ANO3: variants seen among roughly 807,000 people sequenced by gnomAD.
The protein encoded by ANO3 is anoctamin-3.
Under a neutral mutation model 144.8 loss-of-function variants are expected in ANO3, and 99 were observed. That is an observed-to-expected ratio of 0.68 (90% CI 0.58 to 0.81). ANO3 has a LOEUF of 0.81. Ranked by LOEUF, ANO3 falls within the 30% of genes least tolerant of loss-of-function variation. ANO3 has a pLI of 0.00. For missense variants in ANO3, 905 were observed against 1,202.2 expected (o/e 0.75, Z 3.66); for synonymous variants, 414 against 392.6 (o/e 1.05, Z -0.64).
Position 26,565,717 on chromosome 11 carries a change from A to T in ANO3, c.1447+5938A>T, listed in dbSNP as rs1202256524. 2.5e-6 allele frequency: 4 copies of T among 1,605,820 alleles called. No homozygotes were observed. The African/African-American group carries it at 5.4e-5, about 22-fold the overall frequency. ...TTTAAGTTTGCTTCACTTTCCAAAG[A>T]AATAGGTTTATTTTCCATTGTTTTA... On this transcript the variant is annotated intron_variant, in intron 14 of 26. Transcript: ENST00000256737.
intron 14 of ANO3, among the ~76,000 whole-genome samples, chr11:26,581,320 T>C (rs1851123336): frequency 6.6e-6 from 1 of 151,920 alleles, no homozygotes; most frequent in African/African-American, 2.4e-5. Flanking sequence ...TTTTTTTTTT[T>C]TGTATGCTCA....
At chr11:26,375,037 C>T (rs1396147896) in intron 1 of ANO3, among the ~76,000 whole-genome samples, 1 of 152,198 alleles carries the variant, frequency 6.6e-6, no homozygotes, top group Non-Finnish European at 1.5e-5. Flanking sequence ...AGCCACCATG[C>T]CTGGCCGTGT....
rs753901515 is a variant in ANO3, at chr11:26,598,904, T to C, written c.1577T>C (p.Ile526Thr). 3.7e-6 allele frequency: 6 copies of C among 1,613,966 alleles called. No homozygotes were observed. Among genetic ancestry groups the C allele is most frequent in the East Asian group, 4.5e-5 (2 of 44,864 alleles). Residue 526 changes from isoleucine to threonine, a missense_variant, in exon 16 of 27, where the codon ATT becomes ACT. This residue lies in a region of ANO3 where 597 missense variants were observed against 865.1 expected (regional missense o/e 0.69). Transcript: ENST00000256737. The stretch of plus-strand genomic sequence containing the variant: ...GAAGCCAAGTATTACAAGATGGAGA[T>C]TGTAAATCCCATCACGGGAAAACCT... ...QFEAKYYKMEIVNPITGKPEP... is the reference protein window; with the variant it reads ...QFEAKYYKMETVNPITGKPEP...
At chr11:26,433,392 T>C (rs1464645954) in intron 1 of ANO3, among the ~76,000 whole-genome samples, 2 of 152,160 alleles carry the variant, frequency 1.3e-5, no homozygotes, top group East Asian at 3.9e-4. Context: ...TTTCTTTCTC[T>C]CTTGCCTGAT....
chr11:26,533,346 G>T (rs1479414883), intron 8 of ANO3, among the ~76,000 whole-genome samples: 1 of 152,092 alleles, frequency 6.6e-6, no homozygotes. Flanking sequence ...TTAAGGTGAT[G>T]ATATTATGTT....
At chr11:26,381,814 C>T (rs900259885) in intron 1 of ANO3, among the ~76,000 whole-genome samples, 8 of 152,040 alleles carry the variant, frequency 5.3e-5, no homozygotes, top group Non-Finnish European at 8.8e-5. Context: ...ATGGCCATTT[C>T]CCAAGGGCAA....
At chr11:26,356,541 G>A (rs1855790244) in intron 1 of ANO3, among the ~76,000 whole-genome samples, 1 of 152,074 alleles carries the variant, frequency 6.6e-6, no homozygotes, top group East Asian at 1.9e-4. Context: ...TCAATATAAT[G>A]CTTTTTACAT....
rs188873314 is a variant in ANO3 at position 26,384,042 on chromosome 11, C to T, written c.46+51721C>T. Among the ~76,000 whole-genome samples, 324 of 151,176 alleles carry T rather than the reference C, an allele frequency of 2.1e-3. 1 individual carries two copies. Among genetic ancestry groups the T allele is most frequent in the African/African-American group, 7.0e-3 (290 of 41,264 alleles). Reference sequence around the variant, plus strand: ...CCTCCTGAGTAGCTGGGATTACAGGCGCGTGCCACCATAACCCGGCTAATT... The same window carrying T: ...CCTCCTGAGTAGCTGGGATTACAGGTGCGTGCCACCATAACCCGGCTAATT... On this transcript the variant is annotated intron_variant, in intron 1 of 26. Coordinates refer to ENST00000256737, the MANE Select transcript of ANO3 (RefSeq NM_031418.4).
chr11:26,439,619 T>G (rs1005819919), intron 1 of ANO3, among the ~76,000 whole-genome samples: 1 of 152,242 alleles, frequency 6.6e-6, no homozygotes, highest in Admixed American at 6.5e-5. Flanking sequence ...TTATGGTATA[T>G]GATTATATAT....
chr11:26,534,435 C>T (rs1353139569), intron 8 of ANO3, 21 bp from the exon 9 acceptor site: 1 of 1,525,002 alleles, frequency 6.6e-7, no homozygotes, highest in Non-Finnish European at 9.1e-7. Context: ...GAATATTAAA[C>T]CAATCCCCTC....
intron 1 of ANO3, among the ~76,000 whole-genome samples, chr11:26,340,020 G>A (rs2133898747): frequency 6.6e-6 from 1 of 152,302 alleles, no homozygotes; most frequent in East Asian, 1.9e-4. Flanking sequence ...CTGCTGAGGA[G>A]AGAGGTTCCT....
intron 12 of ANO3, among the ~76,000 whole-genome samples, chr11:26,548,849 C>T (rs543518866): frequency 1.3e-5 from 2 of 151,828 alleles, no homozygotes; most frequent in Admixed American, 6.6e-5. Context: ...TTCGGCCCAC[C>T]GGAAACATCC....
At chr11:26,333,450 T>A (rs192482416) in intron 1 of ANO3, among the ~76,000 whole-genome samples, 332 of 152,040 alleles carry the variant, frequency 2.2e-3, no homozygotes, top group Non-Finnish European at 3.6e-3. Context: ...CCCAGCTAAT[T>A]TTTTTGTGTT....
At position 26,360,419 on chromosome 11, in the gene ANO3, G is replaced by A. The variant is rs149442126; in HGVS notation, c.46+28098G>A. On this transcript the variant is annotated intron_variant, in intron 1 of 26. Coordinates refer to ENST00000256737, the MANE Select transcript of ANO3 (RefSeq NM_031418.4). ...TTAAAAATTCCCTTGCTAAGATGGT[G>A]GGGAAGTAGAAAATACAAAGGGGTG... is the stretch of plus-strand genomic sequence containing the variant. Among the ~76,000 whole-genome samples the A allele has an allele frequency of 8.4e-3, 1,272 of 152,172 alleles. 9 individuals carry two copies. Among genetic ancestry groups the A allele is most frequent in the Non-Finnish European group, 0.014 (920 of 67,984 alleles).
chr11:26,374,807 A>T (rs1294678637), intron 1 of ANO3, among the ~76,000 whole-genome samples: 1 of 152,158 alleles, frequency 6.6e-6, no homozygotes, highest in African/African-American at 2.4e-5. Context: ...GCAGTGGCAC[A>T]ATGTTGGCTC....
intron 11 of ANO3, 134 bp downstream of exon 11, chr11:26,542,202 A>G (rs752642188): frequency 4.4e-5 from 42 of 961,088 alleles, no homozygotes; most frequent in Non-Finnish European, 5.9e-5. Context: ...ATTTTTCAGT[A>G]AAAGAATCTC....
At chr11:26,212,870 C>T (rs1469718426) in intron 1 of ANO3, among the ~76,000 whole-genome samples, 2 of 152,026 alleles carry the variant, frequency 1.3e-5, no homozygotes, top group African/African-American at 2.4e-5. Context: ...AACATTAATG[C>T]AGAAATCCTC....
At chr11:26,288,380 A>G (rs80233685) in intron 1 of ANO3, among the ~76,000 whole-genome samples, 5,314 of 152,304 alleles carry the variant, frequency 0.035, 313 homozygotes, top group African/African-American at 0.12. Flanking sequence ...TGGCAGTAAC[A>G]GTGGGATTTT....
intron 1 of ANO3, among the ~76,000 whole-genome samples, chr11:26,267,071 G>A (rs66538554): frequency 0.032 from 4,740 of 148,322 alleles, 140 homozygotes; most frequent in African/African-American, 0.078. Context: ...TAGCCTGGGT[G>A]ACAAAGCAAG....
Sources: allele counts gnomAD v4.1 joint callset (sites outside exome capture counted in the v4.1 genomes callset), GRCh38; gene constraint gnomAD v4.1.1; regional missense constraint gnomAD v4.1.1; transcripts MANE v1.5; gene names NCBI Gene and HGNC (gene_info 2026-07-23, HGNC 2026-07-21).